The following BNC2 variants were observed in gnomAD, a reference collection of about 807,000 sequenced individuals.
BNC2 encodes basonuclin zinc finger protein 2.
In BNC2, 20 loss-of-function variants were observed where a neutral mutation model predicts 76.3. The observed-to-expected ratio is 0.26, with a 90% CI of 0.18 to 0.38. The LOEUF (loss-of-function observed/expected upper bound fraction) is 0.38. Ranked by LOEUF, BNC2 falls within the 10% of genes least tolerant of loss-of-function variation. BNC2 has a pLI of 1.00. For synonymous variants in BNC2, 582 were observed against 514.8 expected (o/e 1.13, Z -1.77); for missense variants, 1,382 against 1,399.8 (o/e 0.99, Z 0.20).
intron 1 of BNC2, among the ~76,000 whole-genome samples, chr9:16,740,859 A>T (rs1351893248): frequency 2.0e-5 from 3 of 150,546 alleles, no homozygotes; most frequent in African/African-American, 7.5e-5. Context: ...AGAAAAAAGA[A>T]ACCCTTTTTT....
chr9:16,646,295 T>G (rs986252408), intron 3 of BNC2, among the ~76,000 whole-genome samples: 2 of 152,170 alleles, frequency 1.3e-5, no homozygotes, highest in African/African-American at 4.8e-5. Flanking sequence ...CTGATGACAG[T>G]CAACTATTTG....
At chr9:16,855,061 T>C (rs1819219605) in intron 1 of BNC2, among the ~76,000 whole-genome samples, 1 of 151,796 alleles carries the variant, frequency 6.6e-6, no homozygotes, top group Non-Finnish European at 1.5e-5. Context: ...GGAGAAGACG[T>C]ACTAATCATT....
At chr9:16,629,867 CTGAT>C (rs1821109525) in intron 3 of BNC2, among the ~76,000 whole-genome samples, 5 of 152,166 alleles carry the variant, frequency 3.3e-5, no homozygotes, top group Admixed American at 3.3e-4. Context: ...TTGATGGCTG[CTGAT>C]TGATCAGGGT....
intron 1 of BNC2, among the ~76,000 whole-genome samples, chr9:16,845,582 GT>G (rs1818955423): frequency 1.3e-5 from 2 of 152,040 alleles, no homozygotes; most frequent in South Asian, 4.2e-4. Context: ...TTAGCCGGGT[GT>G]AGCGGCGTGG....
intron 3 of BNC2, among the ~76,000 whole-genome samples, chr9:16,714,871 T>C (rs1426084290): frequency 2.0e-5 from 3 of 152,202 alleles, no homozygotes; most frequent in Non-Finnish European, 4.4e-5. Context: ...CAATTATGAA[T>C]AGATAATTTC....
intron 4 of BNC2, chr9:16,575,443 C>T (rs912154101): frequency 1.9e-4 from 192 of 985,232 alleles, no homozygotes; most frequent in Non-Finnish European, 2.3e-4. Context: ...AGCTAATAGG[C>T]AGACAGCCCA....
rs114498166 is a variant in BNC2, at chr9:16,798,111, G to T, written c.4-59626C>A. ...TGGAAGTGTGAAGGAAAAGTTGGTT[G>T]TTACTAGCTTCTGTCTTTCTATTCT... On this transcript the variant is annotated intron_variant, in intron 1 of 6. Transcript: ENST00000380672. Among the ~76,000 whole-genome samples, 837 of 152,298 alleles carry T rather than the reference G, an allele frequency of 5.5e-3. 17 individuals carry two copies. The highest frequency in any genetic ancestry group is 0.019 in the African/African-American group (796 of 41,560).
chr9:16,708,297 T>A (rs1046182475), intron 3 of BNC2, among the ~76,000 whole-genome samples: 1 of 152,238 alleles, frequency 6.6e-6, no homozygotes, highest in Non-Finnish European at 1.5e-5. Context: ...TAAAGTTCTG[T>A]AAGCTACGTT....
intron 3 of BNC2, among the ~76,000 whole-genome samples, chr9:16,717,810 G>C (rs1038905672): frequency 2.0e-5 from 3 of 152,088 alleles, no homozygotes; most frequent in Admixed American, 2.0e-4. Flanking sequence ...TTCTGCAGTT[G>C]TAAAAAAAAT....
At chr9:16,507,837 C>T (rs999232741) in intron 5 of BNC2, among the ~76,000 whole-genome samples, 1 of 152,024 alleles carries the variant, frequency 6.6e-6, no homozygotes, top group African/African-American at 2.4e-5. Context: ...TAGTACAAAC[C>T]CAAATATAAT....
chr9:16,472,020 A>AT (rs1187158581), intron 5 of BNC2, among the ~76,000 whole-genome samples: 3 of 152,178 alleles, frequency 2.0e-5, no homozygotes, highest in African/African-American at 4.8e-5. Flanking sequence ...ACCTTCCACC[A>AT]TGATTCTGAG....
intron 3 of BNC2, among the ~76,000 whole-genome samples, chr9:16,690,655 A>T (rs930412380): frequency 1.3e-5 from 2 of 152,176 alleles, no homozygotes; most frequent in Non-Finnish European, 2.9e-5. Flanking sequence ...CATGATAAGG[A>T]TGGGAGATAT....
chr9:16,495,089 G>A (rs1024853600), intron 5 of BNC2, among the ~76,000 whole-genome samples: 14 of 152,164 alleles, frequency 9.2e-5, no homozygotes, highest in Non-Finnish European at 2.1e-4. Flanking sequence ...GGTTGGCGGA[G>A]AGAAGATCAG....
chr9:16,831,446 A>G (rs1818575821), intron 1 of BNC2, among the ~76,000 whole-genome samples: 1 of 152,258 alleles, frequency 6.6e-6, no homozygotes, highest in African/African-American at 2.4e-5. Flanking sequence ...TACTTATTTA[A>G]AATTTCTTAA....
chr9:16,471,552 A>T (rs922547888), intron 5 of BNC2, among the ~76,000 whole-genome samples: 1 of 152,164 alleles, frequency 6.6e-6, no homozygotes, highest in Non-Finnish European at 1.5e-5. Flanking sequence ...TTGGCCACCC[A>T]AAGTGCCAGG....
At chr9:16,471,637 C>G (rs551632937) in intron 5 of BNC2, among the ~76,000 whole-genome samples, 3 of 152,168 alleles carry the variant, frequency 2.0e-5, no homozygotes, top group East Asian at 1.9e-4. Flanking sequence ...GGACTTTAGC[C>G]TTGTCTCAGA....
intron 3 of BNC2, among the ~76,000 whole-genome samples, chr9:16,689,973 T>C (rs1053608074): frequency 6.6e-6 from 1 of 152,120 alleles, no homozygotes; most frequent in African/African-American, 2.4e-5. Flanking sequence ...TGCTGCAAAA[T>C]AAATGAATAC....
chr9:16,664,795 C>T (rs149103923), intron 3 of BNC2, among the ~76,000 whole-genome samples: 13 of 152,094 alleles, frequency 8.5e-5, no homozygotes, highest in East Asian at 5.8e-4. Flanking sequence ...CAGCTGAAAA[C>T]GCTGTTCTGC....
intron 1 of BNC2, among the ~76,000 whole-genome samples, chr9:16,771,527 A>T (rs1033516219): frequency 6.6e-6 from 1 of 152,222 alleles, no homozygotes; most frequent in African/African-American, 2.4e-5. Context: ...GTATAGGCAG[A>T]GTATGTGTCA....
Sources: allele counts gnomAD v4.1 joint callset (sites outside exome capture counted in the v4.1 genomes callset), GRCh38; gene constraint gnomAD v4.1.1; transcripts MANE v1.5; gene names NCBI Gene and HGNC (gene_info 2026-07-23, HGNC 2026-07-21).